The following NRIP1 variants were observed in gnomAD, a reference collection of about 807,000 sequenced individuals.
NRIP1 encodes nuclear receptor interacting protein 1, also known as nuclear receptor-interacting protein 1.
NRIP1 carries 28 observed loss-of-function variants against 75.0 expected under a neutral mutation model. The ratio of observed to expected loss-of-function variants is 0.37; its 90% CI spans 0.28 to 0.51. The LOEUF is 0.51. Ranked by LOEUF, NRIP1 falls within the 20% of genes least tolerant of loss-of-function variation. The probability of loss-of-function intolerance (pLI) is 0.92; values close to 1 mark genes in which losing one functional copy is unlikely to be tolerated. For missense variants in NRIP1, 1,435 were observed against 1,343.7 expected (o/e 1.07, Z -1.06); for synonymous variants, 526 against 487.6 (o/e 1.08, Z -1.04).
chr21:15,062,332 T>G (rs1978369274), intron 1 of NRIP1, among the ~76,000 whole-genome samples: 1 of 152,256 alleles, frequency 6.6e-6, no homozygotes, highest in African/African-American at 2.4e-5. Context: ...CTCTCTTAAC[T>G]TCTGAATTTC....
At position 14,988,747 on chromosome 21, in the gene NRIP1, G is replaced by A. The variant is rs932277974; in HGVS notation, c.-334-20221C>T. ...ACCTCAGGAGAATGGAACAACACTGGGAACCTAACTAATGGACCAATCATT... is the reference window on the plus strand; with the variant it reads ...ACCTCAGGAGAATGGAACAACACTGAGAACCTAACTAATGGACCAATCATT... On this transcript the variant is annotated intron_variant, in intron 3 of 3. Coordinates refer to ENST00000318948, the MANE Select transcript of NRIP1 (RefSeq NM_003489.4). Among the ~76,000 whole-genome samples the A allele has an allele frequency of 2.0e-5, 3 of 152,002 alleles. No homozygotes were observed. In the South Asian group the frequency reaches 6.2e-4, roughly 32 times the overall value.
rs201031555 is a variant in NRIP1 at position 14,989,950 on chromosome 21, G to GA, written c.-334-21425dup. Among the ~76,000 whole-genome samples the GA allele has an allele frequency of 4.0e-3, 597 of 150,176 alleles. 4 individuals are homozygous for GA. Among genetic ancestry groups the GA allele is most frequent in the African/African-American group, 0.013 (540 of 41,008 alleles). ...CTAAAATACTGGTCTTATTAATCAT[G>GA]AAAAAAAAAGAAACATGAAAGAGAA... On this transcript the variant is annotated intron_variant, in intron 3 of 3. Transcript: ENST00000318948.
At chr21:14,988,318 A>G (rs2087461395) in intron 3 of NRIP1, 1 of 152,088 alleles carries the variant, frequency 6.6e-6, no homozygotes. Flanking sequence ...TTTACTATTC[A>G]CAGACAAAGC....
chr21:14,995,811 T>C (rs1409626759), intron 3 of NRIP1, among the ~76,000 whole-genome samples: 2 of 152,062 alleles, frequency 1.3e-5, no homozygotes, highest in African/African-American at 4.8e-5. Context: ...ACTTCCTAAC[T>C]GGCCCTCCTC....
intron 1 of NRIP1, among the ~76,000 whole-genome samples, chr21:15,055,789 C>T (rs1327844530): frequency 6.6e-6 from 1 of 152,154 alleles, no homozygotes; most frequent in Admixed American, 6.5e-5. Flanking sequence ...ACTTTCAAAA[C>T]GTCTTTAAAT....
chr21:15,056,637 C>T (rs770100557), intron 1 of NRIP1, among the ~76,000 whole-genome samples: 1 of 152,030 alleles, frequency 6.6e-6, no homozygotes, highest in Non-Finnish European at 1.5e-5. Flanking sequence ...CAAAATATAA[C>T]GTATTCTCTA....
chr21:14,977,416 G>A (rs989998329), intron 3 of NRIP1, among the ~76,000 whole-genome samples: 3 of 152,104 alleles, frequency 2.0e-5, no homozygotes, highest in Non-Finnish European at 2.9e-5. Context: ...CATTTTATCC[G>A]AAGGGATGAA....
chr21:14,984,414 C>T (rs530734295), intron 3 of NRIP1, among the ~76,000 whole-genome samples: 22 of 147,722 alleles, frequency 1.5e-4, no homozygotes, highest in South Asian at 8.7e-4. Context: ...CCTCCCACAT[C>T]GGCCTCCCAA....
intron 2 of NRIP1, among the ~76,000 whole-genome samples, chr21:15,026,116 A>C (rs754170558): frequency 1.7e-4 from 26 of 152,184 alleles, no homozygotes; most frequent in Non-Finnish European, 3.1e-4. Context: ...TCAACAGAGG[A>C]AAAAAGTTCC....
intron 2 of NRIP1, among the ~76,000 whole-genome samples, chr21:15,040,111 T>C (rs1050013750): frequency 6.6e-6 from 1 of 152,082 alleles, no homozygotes. Flanking sequence ...TAGACACATG[T>C]GGCTACTGTG....
intron 3 of NRIP1, among the ~76,000 whole-genome samples, chr21:15,001,397 T>G (rs2087846132): frequency 1.3e-5 from 2 of 152,184 alleles, no homozygotes; most frequent in South Asian, 4.1e-4. Flanking sequence ...AGTGCAGCTA[T>G]GACCACATTT....
chr21:14,968,401 C>T lies in NRIP1; in HGVS notation c.-209G>A, dbSNP rs111816437. 1.7e-4 allele frequency: 91 copies of T among 530,976 alleles called. No homozygotes were observed. In the Admixed American group the frequency reaches 2.4e-3, roughly 14 times the overall value. 32.9% of individuals were successfully genotyped at this position (530,976 alleles called of 1,614,324 possible). A position where few individuals can be genotyped will look rare whatever the true frequency, so the allele number is the denominator to read the frequency against. On this transcript the variant is annotated 5_prime_UTR_variant, in exon 4 of 4. Coordinates refer to ENST00000318948, the MANE Select transcript of NRIP1 (RefSeq NM_003489.4). ...TGACCACAGTGCTGATCAACTTCTACGCAAGGAGGAGGAGAAGAATTCCTT... is the reference window on the plus strand; with the variant it reads ...TGACCACAGTGCTGATCAACTTCTATGCAAGGAGGAGGAGAAGAATTCCTT...
At chr21:14,993,078 T>G (rs996424040) in intron 3 of NRIP1, among the ~76,000 whole-genome samples, 1 of 152,170 alleles carries the variant, frequency 6.6e-6, no homozygotes, top group African/African-American at 2.4e-5. Context: ...AGTTTTTAAT[T>G]ATCAAAAAAA....
intron 3 of NRIP1, among the ~76,000 whole-genome samples, chr21:14,977,405 A>T (rs996609177): frequency 6.6e-6 from 1 of 152,226 alleles, no homozygotes; most frequent in African/African-American, 2.4e-5. Context: ...GTAACTCCAA[A>T]CATTTTATCC....
intron 3 of NRIP1, among the ~76,000 whole-genome samples, chr21:14,977,191 A>C (rs149901270): frequency 6.6e-6 from 1 of 152,210 alleles, no homozygotes. Flanking sequence ...AAAAACATTA[A>C]TATGTTTCAT....
intron 3 of NRIP1, among the ~76,000 whole-genome samples, chr21:14,984,727 A>C (rs2087345709): frequency 6.6e-6 from 1 of 152,192 alleles, no homozygotes; most frequent in Non-Finnish European, 1.5e-5. Context: ...CAACGTGGCG[A>C]ATTTCATTGT....
At chr21:14,980,936 C>T (rs942269608) in intron 3 of NRIP1, among the ~76,000 whole-genome samples, 27 of 152,052 alleles carry the variant, frequency 1.8e-4, no homozygotes, top group Non-Finnish European at 4.0e-4. Context: ...ATTGAAATGA[C>T]TTATATGACA....
At chr21:14,991,963 C>T (rs1222490262) in intron 3 of NRIP1, among the ~76,000 whole-genome samples, 7 of 151,684 alleles carry the variant, frequency 4.6e-5, no homozygotes, top group Non-Finnish European at 8.8e-5. Flanking sequence ...TCTTTTTTTT[C>T]CTTTTCCCCT....
chr21:15,000,984 G>A (rs190653051), intron 3 of NRIP1, among the ~76,000 whole-genome samples: 42 of 152,040 alleles, frequency 2.8e-4, no homozygotes, highest in African/African-American at 9.9e-4. Flanking sequence ...TTCTTCACTT[G>A]GTCATTTTCT....
Sources: gnomAD v4.1 joint callset for allele counts (sites outside exome capture counted in the v4.1 genomes callset) on GRCh38, gnomAD v4.1.1 for gene constraint, MANE v1.5 for transcripts, NCBI Gene and HGNC (gene_info 2026-07-23, HGNC 2026-07-21) for gene names.